The following SLC44A5 variants were observed in gnomAD, a reference collection of about 807,000 sequenced individuals.
SLC44A5 encodes choline transporter-like protein 5.
SLC44A5 carries 57 observed loss-of-function variants against 101.8 expected under a neutral mutation model. The observed-to-expected ratio is 0.56, with a 90% CI of 0.45 to 0.70. The LOEUF is 0.70. Ranked by LOEUF, SLC44A5 falls within the 30% of genes least tolerant of loss-of-function variation. The probability of loss-of-function intolerance (pLI) is 0.00; values close to 1 mark genes in which losing one functional copy is unlikely to be tolerated. For synonymous variants in SLC44A5, 281 were observed against 290.9 expected, an observed-to-expected ratio of 0.97 and a Z score of 0.35; for missense variants, 737 against 853.1, an observed-to-expected ratio of 0.86 and a Z score of 1.70.
intron 2 of SLC44A5, among the ~76,000 whole-genome samples, chr1:75,481,611 T>G (rs1667861982): frequency 6.6e-6 from 1 of 151,708 alleles, no homozygotes; most frequent in Non-Finnish European, 1.5e-5. Context: ...AACAGACACT[T>G]CTCAAAAGAA....
At chr1:75,689,343 A>T in the SLC44A5 span, among the ~76,000 whole-genome samples, 3 of 152,292 alleles carry the variant, frequency 2.0e-5, no homozygotes, top group African/African-American at 7.2e-5. Context: ...CCAAACTGGA[A>T]GTAAAATATC....
intron 2 of SLC44A5, among the ~76,000 whole-genome samples, chr1:75,443,020 G>C (rs1665296810): frequency 6.6e-6 from 1 of 152,152 alleles, no homozygotes; most frequent in Non-Finnish European, 1.5e-5. Flanking sequence ...TCTTGGAATT[G>C]ATTAATAAAC....
At chr1:75,207,153 T>C (rs1382755767) in intron 23 of SLC44A5, among the ~76,000 whole-genome samples, 1 of 152,154 alleles carries the variant, frequency 6.6e-6, no homozygotes, top group Non-Finnish European at 1.5e-5. Flanking sequence ...TGGTAGTCCA[T>C]ACTCCGATGT....
At chr1:75,328,153 A>T (rs1433919817) in intron 4 of SLC44A5, among the ~76,000 whole-genome samples, 1 of 152,122 alleles carries the variant, frequency 6.6e-6, no homozygotes, top group Non-Finnish European at 1.5e-5. Flanking sequence ...CTGAGCACAA[A>T]CTGCCTTTAA....
chr1:75,651,057 G>T, the SLC44A5 span, among the ~76,000 whole-genome samples: 1 of 152,142 alleles, frequency 6.6e-6, no homozygotes, highest in African/African-American at 2.4e-5. Context: ...ATCAATGTTT[G>T]ATATTTGCCA....
At chr1:75,609,515 C>T (rs112082575) in intron 1 of SLC44A5, among the ~76,000 whole-genome samples, 1 of 151,884 alleles carries the variant, frequency 6.6e-6, no homozygotes, top group African/African-American at 2.4e-5. Context: ...AAATCTTGTG[C>T]TGTTGGGAGA....
intron 4 of SLC44A5, among the ~76,000 whole-genome samples, chr1:75,312,603 G>A (rs561894330): frequency 2.3e-4 from 35 of 151,788 alleles, no homozygotes; most frequent in African/African-American, 7.7e-4. Flanking sequence ...GTAGCCCCTC[G>A]ATCTTGGACT....
intron 4 of SLC44A5, among the ~76,000 whole-genome samples, chr1:75,316,155 C>T (rs1655670136): frequency 6.6e-6 from 1 of 152,210 alleles, no homozygotes; most frequent in Non-Finnish European, 1.5e-5. Flanking sequence ...CTGGCCCTTG[C>T]TAAGCTGCTC....
intron 1 of SLC44A5, among the ~76,000 whole-genome samples, chr1:75,575,887 T>C (rs369410944): frequency 8.5e-5 from 13 of 152,300 alleles, no homozygotes; most frequent in African/African-American, 3.1e-4. Flanking sequence ...GAAAGTAGAA[T>C]GTTGGGTCAA....
At chr1:75,275,596 C>T (rs937380011) in intron 5 of SLC44A5, among the ~76,000 whole-genome samples, 5 of 152,118 alleles carry the variant, frequency 3.3e-5, no homozygotes, top group Non-Finnish European at 7.4e-5. Flanking sequence ...ACCCTAAGTT[C>T]TGTCTGATAA....
chr1:75,486,564 G>A (rs953262581), intron 2 of SLC44A5, among the ~76,000 whole-genome samples: 12 of 152,108 alleles, frequency 7.9e-5, no homozygotes, highest in South Asian at 4.1e-4. Flanking sequence ...GTTTAGAGTC[G>A]ATCAGCCTTT....
the SLC44A5 span, among the ~76,000 whole-genome samples, chr1:75,659,332 GAAGAA>G: frequency 1.2e-4 from 16 of 134,690 alleles, no homozygotes; most frequent in East Asian, 2.1e-4. Flanking sequence ...GAAAAGGAAA[GAAGAA>G]AAGAGAGAAA....
intron 2 of SLC44A5, among the ~76,000 whole-genome samples, chr1:75,492,388 A>C (rs1014248110): frequency 1.3e-5 from 2 of 152,224 alleles, no homozygotes; most frequent in African/African-American, 4.8e-5. Flanking sequence ...TATTTATTGA[A>C]TGTCCACTAT....
At chr1:75,270,392 T>C (rs753571142) in intron 6 of SLC44A5, among the ~76,000 whole-genome samples, 4 of 152,122 alleles carry the variant, frequency 2.6e-5, no homozygotes, top group Non-Finnish European at 5.9e-5. Context: ...TATATAAATT[T>C]ATTATTTAGT....
intron 2 of SLC44A5, among the ~76,000 whole-genome samples, chr1:75,515,521 G>GT (rs1314939587): frequency 2.0e-5 from 3 of 152,222 alleles, no homozygotes; most frequent in Non-Finnish European, 4.4e-5. Context: ...AGGTAAGAAT[G>GT]TGAGATATTT....
intron 3 of SLC44A5, among the ~76,000 whole-genome samples, chr1:75,345,270 T>C (rs1476550047): frequency 6.6e-6 from 1 of 150,528 alleles, no homozygotes; most frequent in Non-Finnish European, 1.5e-5. Flanking sequence ...AGGGAGAAAG[T>C]ATCCCATATT....
chr1:75,300,215 T>C (rs928229793), intron 5 of SLC44A5, among the ~76,000 whole-genome samples: 1 of 152,016 alleles, frequency 6.6e-6, no homozygotes, highest in Non-Finnish European at 1.5e-5. Flanking sequence ...TTCCTTCTTT[T>C]TAATTTGCTT....
chr1:75,348,146 T>G (rs1184359141), intron 3 of SLC44A5, among the ~76,000 whole-genome samples: 1 of 151,970 alleles, frequency 6.6e-6, no homozygotes, highest in African/African-American at 2.4e-5. Context: ...TCTCTCTCTC[T>G]CTCCTCTCTC....
intron 4 of SLC44A5, among the ~76,000 whole-genome samples, chr1:75,327,447 T>C (rs1428421439): frequency 6.6e-6 from 1 of 152,218 alleles, no homozygotes; most frequent in Non-Finnish European, 1.5e-5. Context: ...CTGTGAGGTT[T>C]GTCCTCACTT....
Sources: gnomAD v4.1 joint callset for allele counts (sites outside exome capture counted in the v4.1 genomes callset) on GRCh38, gnomAD v4.1.1 for gene constraint, MANE v1.5 for transcripts, NCBI Gene and HGNC (gene_info 2026-07-23, HGNC 2026-07-21) for gene names.